Variants in MED14 observed in about 807,000 individuals in gnomAD.
MED14 encodes the protein mediator of RNA polymerase II transcription subunit 14.
A neutral mutation model predicts 109.0 loss-of-function variants in MED14; 8 were observed. The observed-to-expected ratio is 0.07, with a 90% CI of 0.04 to 0.13. The LOEUF is 0.13. Ranked by LOEUF, MED14 falls within the 10% of genes least tolerant of loss-of-function variation. The pLI is 1.00. For missense variants in MED14, 711 were observed against 1,142.4 expected (o/e 0.62, Z 5.44); for synonymous variants, 399 against 408.7 (o/e 0.98, Z 0.29).
At chrX:40,693,262 T>C (rs1930599142) in intron 13 of MED14, among the ~76,000 whole-genome samples, 1 of 111,938 alleles carries the variant, frequency 8.9e-6, no homozygotes, top group African/African-American at 3.2e-5. Context: ...TTTGGCTTTA[T>C]GTCCCCACCC....
chrX:40,734,233 G>A (rs1399164638), intron 1 of MED14, among the ~76,000 whole-genome samples: 1 of 111,814 alleles, frequency 8.9e-6, no homozygotes, highest in Non-Finnish European at 1.9e-5. Context: ...TTAGCCATGG[G>A]TAGGCTTCTT....
At chrX:40,705,481 T>C (rs1281830957) in intron 10 of MED14, among the ~76,000 whole-genome samples, 1 of 112,026 alleles carries the variant, frequency 8.9e-6, no homozygotes, top group Non-Finnish European at 1.9e-5. Flanking sequence ...TGACTACCAA[T>C]GTCCATATTT....
At chrX:40,717,585 T>C (rs1210908099) in intron 3 of MED14, among the ~76,000 whole-genome samples, 1 of 111,540 alleles carries the variant, frequency 9.0e-6, no homozygotes, top group Non-Finnish European at 1.9e-5. Flanking sequence ...TGCAGTGGCA[T>C]GATCTCTGCT....
In MED14 at chrX:40,726,757, C is replaced by G; in HGVS notation, c.337G>C (p.Glu113Gln). 1 of 1,200,241 alleles carries G rather than the reference C, an allele frequency of 8.3e-7. No individual in the cohort carries two copies. Among genetic ancestry groups the G allele is most frequent in the Non-Finnish European group, 1.1e-6 (1 of 888,887 alleles). ...AAAGTTTAACTCACCGCACATTTTT[C>G]CACTTTGCCAGCATTATTAGCCCAT... ...VKWANNAGKV[E>Q]KCAMISSFLD... Residue 113 changes from glutamate (E) to glutamine (Q), a missense_variant, in exon 3 of 31, where the codon GAA (glutamate) becomes CAA (glutamine). Transcript: ENST00000324817.
At chrX:40,721,094 T>G (rs1931700415) in intron 3 of MED14, among the ~76,000 whole-genome samples, 1 of 111,402 alleles carries the variant, frequency 9.0e-6, no homozygotes, top group African/African-American at 3.3e-5. Flanking sequence ...GAAAGACTCC[T>G]TCTGTTAGAG....
At chrX:40,728,442 C>T (rs6520691) in intron 2 of MED14, among the ~76,000 whole-genome samples, 40,708 of 109,286 alleles carry the variant, frequency 0.37, 8,349 homozygotes, top group African/African-American at 0.79. Flanking sequence ...CTTCTACCTT[C>T]TTGATCTCTA....
chrX:40,671,191 T>A (rs1348990731), intron 23 of MED14, among the ~76,000 whole-genome samples: 1 of 111,480 alleles, frequency 9.0e-6, no homozygotes, highest in Non-Finnish European at 1.9e-5. Context: ...GATGATAAGC[T>A]CAAGAGCAGG....
rs1355570236 is a variant in MED14 at position 40,651,475 on chromosome X, C to A, written c.*331G>T. 2.6e-6 allele frequency: 2 copies of A among 781,120 alleles called. No homozygotes were observed. Among genetic ancestry groups the A allele is most frequent in the East Asian group, 1.0e-4 (1 of 9,717 alleles). The allele number at this position is 781,120 out of a possible 1,213,427, so 64.4% of individuals were successfully genotyped here. A position where few individuals can be genotyped will look rare whatever the true frequency, so the allele number is the denominator to read the frequency against. On this transcript the variant is annotated 3_prime_UTR_variant, in exon 31 of 31. Coordinates refer to ENST00000324817, the MANE Select transcript of MED14 (RefSeq NM_004229.4). ...AAAAACCAAAAAAGGACTATTACAC[C>A]CAAAACATAAGAAAACAATTAAATA...
intron 10 of MED14, among the ~76,000 whole-genome samples, chrX:40,705,321 A>C (rs760197559): frequency 8.9e-6 from 1 of 112,219 alleles, no homozygotes; most frequent in South Asian, 3.7e-4. Flanking sequence ...AACAGAGTAA[A>C]ACTAGTTCTG....
intron 2 of MED14, among the ~76,000 whole-genome samples, chrX:40,727,947 C>T (rs1222507909): frequency 2.7e-5 from 3 of 112,102 alleles, no homozygotes; most frequent in South Asian, 3.7e-4. Context: ...TCTTAAAAAT[C>T]GGCCAGCAAT....
chrX:40,726,535 T>C (rs759689753), intron 3 of MED14: 9 of 330,204 alleles, frequency 2.7e-5, no homozygotes, highest in Non-Finnish European at 4.8e-5. Context: ...CCTCACGTAA[T>C]GATGTCTCCA....
intron 15 of MED14, among the ~76,000 whole-genome samples, chrX:40,690,108 T>C (rs770629655): frequency 1.9e-4 from 21 of 112,044 alleles, no homozygotes; most frequent in African/African-American, 6.8e-4. Flanking sequence ...ATGATATTCA[T>C]ATAATCAATC....
At chrX:40,726,027 T>A (rs1931882833) in intron 3 of MED14, among the ~76,000 whole-genome samples, 1 of 112,261 alleles carries the variant, frequency 8.9e-6, no homozygotes, top group Non-Finnish European at 1.9e-5. Flanking sequence ...TATTTCTATA[T>A]GCCAATAGTG....
intron 14 of MED14, among the ~76,000 whole-genome samples, 193 bp downstream of exon 14, chrX:40,692,515 G>A (rs759518866): frequency 2.5e-4 from 28 of 111,920 alleles, no homozygotes; most frequent in African/African-American, 8.1e-4. Flanking sequence ...GTTCTCTCAT[G>A]GAAAATGGTG....
chrX:40,691,459 A>AT (rs1396142358), intron 15 of MED14, among the ~76,000 whole-genome samples: 5 of 110,967 alleles, frequency 4.5e-5, no homozygotes, highest in East Asian at 2.8e-4. Flanking sequence ...CTTTTCTTTA[A>AT]TTTTTTTAAA....
intron 26 of MED14, among the ~76,000 whole-genome samples, chrX:40,660,875 C>G (rs1602444488): frequency 8.8e-6 from 1 of 113,134 alleles, no homozygotes; most frequent in South Asian, 3.5e-4. Context: ...TGGCTTTACA[C>G]TAAACATGGA....
intron 3 of MED14, among the ~76,000 whole-genome samples, chrX:40,715,590 T>G: frequency 9.2e-6 from 1 of 108,774 alleles, no homozygotes; most frequent in East Asian, 2.9e-4. Flanking sequence ...ATTGAGACCA[T>G]TCTGGCTAAC....
intron 23 of MED14, among the ~76,000 whole-genome samples, chrX:40,667,857 G>A (rs1039382938): frequency 4.5e-5 from 5 of 111,513 alleles, no homozygotes; most frequent in African/African-American, 1.6e-4. Flanking sequence ...AAATCAAGCT[G>A]ATAGTATTTG....
At position 40,711,149 on chromosome X, in the gene MED14, C is replaced by A. The variant is rs776371626; in HGVS notation, c.1022+20G>T. 1 of 1,205,885 alleles carries A rather than the reference C, an allele frequency of 8.3e-7. No individual in the cohort carries two copies. The highest frequency in any genetic ancestry group is 1.8e-5 in the South Asian group (1 of 55,922). On this transcript the variant is annotated intron_variant, in intron 8 of 30. Transcript: ENST00000324817. ...TATTTACAGTCATAGCACGAACCCA[C>A]CAGAACTGATTTTACTTACTTCCAA...
Sources: allele counts gnomAD v4.1 joint callset (sites outside exome capture counted in the v4.1 genomes callset), GRCh38; gene constraint gnomAD v4.1.1; transcripts MANE v1.5; gene names NCBI Gene and HGNC (gene_info 2026-07-23, HGNC 2026-07-21).